BMPER: variants seen among roughly 807,000 people sequenced by gnomAD.
The protein encoded by BMPER is BMP binding endothelial regulator, also known as BMP-binding endothelial regulator protein.
A neutral mutation model predicts 87.3 loss-of-function variants in BMPER; 45 were observed. That is an observed-to-expected ratio of 0.52 (90% CI 0.41 to 0.66). The LOEUF (loss-of-function observed/expected upper bound fraction) is 0.66. Ranked by LOEUF, BMPER falls within the 30% of genes least tolerant of loss-of-function variation. The probability of loss-of-function intolerance (pLI) is 0.00; values close to 1 mark genes in which losing one functional copy is unlikely to be tolerated. For synonymous variants in BMPER, 326 were observed against 316.2 expected, an observed-to-expected ratio of 1.03 and a Z score of -0.33; for missense variants, 784 against 867.5, an observed-to-expected ratio of 0.90 and a Z score of 1.21.
At chr7:33,916,764 A>C (rs1784094993) in intron 2 of BMPER, among the ~76,000 whole-genome samples, 1 of 152,208 alleles carries the variant, frequency 6.6e-6, no homozygotes, top group Admixed American at 6.5e-5. Context: ...CATCTCTGTC[A>C]GCTCCATAGC....
chr7:34,103,124 G>A (rs538153115), intron 13 of BMPER, among the ~76,000 whole-genome samples: 16 of 152,300 alleles, frequency 1.1e-4, no homozygotes, highest in African/African-American at 3.6e-4. Flanking sequence ...TACAGGCTGT[G>A]GGATGGGGGC....
chr7:33,980,404 T>C (rs564643742), intron 6 of BMPER, among the ~76,000 whole-genome samples: 1 of 152,242 alleles, frequency 6.6e-6, no homozygotes, highest in South Asian at 2.1e-4. Context: ...GTTTATAAAG[T>C]ATACTGAGTG....
At chr7:33,934,222 G>T (rs1784549062) in intron 2 of BMPER, among the ~76,000 whole-genome samples, 1 of 152,154 alleles carries the variant, frequency 6.6e-6, no homozygotes, top group Non-Finnish European at 1.5e-5. Flanking sequence ...GAATGGAGTG[G>T]TCTTAATTAA....
rs1366364315 is a variant in BMPER, at chr7:33,992,806, A to C, written c.576+18022A>C. On this transcript the variant is annotated intron_variant, in intron 6 of 14. Transcript: ENST00000649409. Reference sequence around the variant, plus strand: ...CTTCCTTCAGGAGCTCTTTTAGGGCAGGCCTGGTGGTGACAAAATCTCTCA... The same window carrying C: ...CTTCCTTCAGGAGCTCTTTTAGGGCCGGCCTGGTGGTGACAAAATCTCTCA... Among the ~76,000 whole-genome samples, 116 of 139,426 alleles carry C rather than the reference A, an allele frequency of 8.3e-4. 1 individual carries two copies. The East Asian group carries it at 0.025, about 30-fold the overall frequency. The allele number at this position is 139,426 out of a possible 152,430, so 91.5% of individuals were successfully genotyped here.
At chr7:34,034,457 C>G (rs1787609430) in intron 6 of BMPER, among the ~76,000 whole-genome samples, 2 of 152,086 alleles carry the variant, frequency 1.3e-5, no homozygotes, top group African/African-American at 4.8e-5. Context: ...CTGTTGTGCC[C>G]TCTGTTTGAT....
chr7:34,008,494 A>G (rs1786793323), intron 6 of BMPER, among the ~76,000 whole-genome samples: 1 of 151,960 alleles, frequency 6.6e-6, no homozygotes, highest in Non-Finnish European at 1.5e-5. Flanking sequence ...TGATGGTTTT[A>G]CATTAATAAT....
At chr7:34,098,039 C>T (rs1380234373) in intron 13 of BMPER, among the ~76,000 whole-genome samples, 2 of 151,996 alleles carry the variant, frequency 1.3e-5, no homozygotes, top group Non-Finnish European at 2.9e-5. Flanking sequence ...ACTGCCTCCT[C>T]GTTCATGAAG....
chr7:34,118,349 G>A (rs965832872), intron 13 of BMPER, among the ~76,000 whole-genome samples: 4 of 152,078 alleles, frequency 2.6e-5, no homozygotes, highest in East Asian at 1.9e-4. Context: ...GTCACAAGAC[G>A]TAATTTAAAA....
intron 11 of BMPER, 148 bp from the exon 12 acceptor site, chr7:34,078,709 C>A (rs1400507575): frequency 1.3e-6 from 1 of 782,726 alleles, no homozygotes. Context: ...TTGACACGAA[C>A]CTTTAAAAAC....
chr7:34,096,291 A>C (rs1402708724), intron 13 of BMPER, among the ~76,000 whole-genome samples: 1 of 152,194 alleles, frequency 6.6e-6, no homozygotes, highest in African/African-American at 2.4e-5. Flanking sequence ...CCACATGGGC[A>C]GGCACAGCAT....
chr7:33,919,133 A>T (rs1228493736), intron 2 of BMPER, among the ~76,000 whole-genome samples: 3 of 152,102 alleles, frequency 2.0e-5, no homozygotes, highest in Non-Finnish European at 4.4e-5. Flanking sequence ...GGCAAAAAAA[A>T]TTTTCTTAAA....
At chr7:34,055,391 C>T in intron 9 of BMPER, 88 bp downstream of exon 9, 5 of 1,540,932 alleles carry the variant, frequency 3.2e-6, no homozygotes, top group Non-Finnish European at 3.6e-6. Context: ...TGGGTTATCC[C>T]ATAATTTCTA....
At chr7:33,987,586 T>C (rs1388427972) in intron 6 of BMPER, among the ~76,000 whole-genome samples, 1 of 152,174 alleles carries the variant, frequency 6.6e-6, no homozygotes, top group Admixed American at 6.5e-5. Context: ...TTGATCTGGG[T>C]GCACCTTCCA....
At chr7:33,958,333 T>G (rs1785194689) in intron 3 of BMPER, among the ~76,000 whole-genome samples, 2 of 152,216 alleles carry the variant, frequency 1.3e-5, no homozygotes, top group Non-Finnish European at 2.9e-5. Flanking sequence ...CTTAGATGTT[T>G]GAAGTTGATG....
At chr7:33,961,034 G>T (rs1785257717) in intron 3 of BMPER, among the ~76,000 whole-genome samples, 1 of 152,142 alleles carries the variant, frequency 6.6e-6, no homozygotes, top group Non-Finnish European at 1.5e-5. Context: ...AAGTTTGGGT[G>T]ACCTAGGTTT....
chr7:33,932,087 A>G (rs1442946364), intron 2 of BMPER, among the ~76,000 whole-genome samples: 1 of 152,068 alleles, frequency 6.6e-6, no homozygotes, highest in Non-Finnish European at 1.5e-5. Flanking sequence ...TTTGTTTTTC[A>G]GCTTTAGAGC....
intron 6 of BMPER, among the ~76,000 whole-genome samples, chr7:34,034,212 T>G (rs1787602928): frequency 6.6e-6 from 1 of 152,154 alleles, no homozygotes; most frequent in South Asian, 2.1e-4. Context: ...GAACTTCAAT[T>G]TAATATAACT....
At chr7:34,014,575 C>T (rs558554810) in intron 6 of BMPER, among the ~76,000 whole-genome samples, 21 of 151,926 alleles carry the variant, frequency 1.4e-4, no homozygotes, top group East Asian at 5.9e-4. Flanking sequence ...CCTTACTGTA[C>T]GATACTGTGC....
Position 34,028,601 on chromosome 7 carries a change from G to GTTTTTTTTTTTTTTT in BMPER, c.577-17687_577-17673dup. 6.9e-4 allele frequency among the ~76,000 whole-genome samples: 25 copies of GTTTTTTTTTTTTTTT among 36,060 alleles called. 1 individual carries two copies. The highest frequency in any genetic ancestry group is 2.4e-3 in the East Asian group (2 of 820). 23.7% of individuals were successfully genotyped at this position (36,060 alleles called of 152,430 possible). On this transcript the variant is annotated intron_variant, in intron 6 of 14. Transcript: ENST00000649409. ...ACATACAGTCCAAATCATTTTTTCTGTTTTTTTTTTTTTTTTTTTTTTTTT... is the reference window on the plus strand; with the variant it reads ...ACATACAGTCCAAATCATTTTTTCTGTTTTTTTTTTTTTTTTTTTTTTTTTTTTTTTTTTTTTTTT...
Sources: allele counts gnomAD v4.1 joint callset (sites outside exome capture counted in the v4.1 genomes callset), GRCh38; gene constraint gnomAD v4.1.1; transcripts MANE v1.5; gene names NCBI Gene and HGNC (gene_info 2026-07-23, HGNC 2026-07-21).